The following SASH1 variants were observed in gnomAD, a reference collection of about 807,000 sequenced individuals.
The protein encoded by SASH1 is SAM and SH3 domain-containing protein 1.
In SASH1, 44 loss-of-function variants were observed where a neutral mutation model predicts 125.2. The ratio of observed to expected loss-of-function variants is 0.35; its 90% CI spans 0.28 to 0.45. The LOEUF is 0.45. Ranked by LOEUF, SASH1 falls within the 20% of genes least tolerant of loss-of-function variation. The pLI, the probability that SASH1 is intolerant of heterozygous loss-of-function variation, is 1.00. For synonymous variants in SASH1, 639 were observed against 649.1 expected, an observed-to-expected ratio of 0.98 and a Z score of 0.24; for missense variants, 1,426 against 1,614.5, an observed-to-expected ratio of 0.88 and a Z score of 2.00.
At chr6:148,205,632 C>T in the SASH1 span, among the ~76,000 whole-genome samples, 1 of 152,128 alleles carries the variant, frequency 6.6e-6, no homozygotes, top group South Asian at 2.1e-4. Context: ...TCCCTAGTCC[C>T]CAGAAGAACT....
chr6:148,194,885 G>C, the SASH1 span, among the ~76,000 whole-genome samples: 1 of 152,186 alleles, frequency 6.6e-6, no homozygotes, highest in African/African-American at 2.4e-5. Context: ...CAGCCTGGGC[G>C]ACAGAGCGAG....
intron 11 of SASH1, among the ~76,000 whole-genome samples, chr6:148,526,985 G>A (rs1384574365): frequency 6.6e-6 from 1 of 151,212 alleles, no homozygotes; most frequent in African/African-American, 2.4e-5. Context: ...CCATTCTCCT[G>A]CCTCAGCTTC....
intron 8 of SASH1, among the ~76,000 whole-genome samples, chr6:148,498,826 C>G (rs182690611): frequency 6.6e-6 from 1 of 152,274 alleles, no homozygotes. Flanking sequence ...TTCAATGTTA[C>G]TGATTGATTA....
chr6:148,452,382 G>T (rs372996508), intron 4 of SASH1, among the ~76,000 whole-genome samples: 117 of 152,266 alleles, frequency 7.7e-4, no homozygotes, highest in African/African-American at 2.8e-3. Context: ...TGTGAGTCAG[G>T]TGGTCTCCAG....
chr6:148,460,954 A>G (rs974174178), intron 4 of SASH1, among the ~76,000 whole-genome samples: 6 of 152,214 alleles, frequency 3.9e-5, no homozygotes, highest in Admixed American at 1.3e-4. Flanking sequence ...CCTCATGGCA[A>G]TACTTGGTGG....
rs79780914 is a variant in SASH1, at chr6:148,533,466, G to A, written c.1735-305G>A. Among the ~76,000 whole-genome samples the A allele has an allele frequency of 8.5e-3, 1,288 of 152,242 alleles. 18 individuals are homozygous for A. The highest frequency in any genetic ancestry group is 0.03 in the African/African-American group (1,233 of 41,542). ...GAGGAGGGAAGGCGTTCAGAGTGCC[G>A]GGCGGGCAGCCTGGCTGAGAGCACC... On this transcript the variant is annotated intron_variant, in intron 14 of 19. Transcript: ENST00000367467. The surrounding 1 kb of genome is among the most constrained non-coding windows in gnomAD (Gnocchi z 6.2).
intron 1 of SASH1, among the ~76,000 whole-genome samples, chr6:148,300,413 AAAC>A (rs36152413): frequency 0.27 from 40,729 of 149,870 alleles, 5,928 homozygotes; most frequent in South Asian, 0.35. Flanking sequence ...TCAAACAAAC[AAAC>A]AACAACTTTA....
At chr6:148,518,583 C>T (rs973479114) in intron 9 of SASH1, among the ~76,000 whole-genome samples, 3 of 152,166 alleles carry the variant, frequency 2.0e-5, no homozygotes, top group Admixed American at 2.0e-4. Flanking sequence ...TCCTTCTGTT[C>T]CAAGGAACTT....
intron 12 of SASH1, among the ~76,000 whole-genome samples, chr6:148,527,988 TGGGGGGGGGGGTGGCAGTAGA>T (rs1781288487): frequency 8.7e-6 from 1 of 115,160 alleles, no homozygotes. Flanking sequence ...TTTTTTTTTT[TGGGGGGGGGGGTGGCAGTAGA>T]CTTGTCGATC....
chr6:148,409,064 T>A (rs1324467172), intron 2 of SASH1, among the ~76,000 whole-genome samples: 1 of 152,232 alleles, frequency 6.6e-6, no homozygotes, highest in Non-Finnish European at 1.5e-5. Context: ...TTCCCCAAGC[T>A]AAGTGGCTCT....
chr6:148,210,780 G>A, the SASH1 span, among the ~76,000 whole-genome samples: 1 of 152,088 alleles, frequency 6.6e-6, no homozygotes, highest in South Asian at 2.1e-4. Context: ...GGGAATGTTA[G>A]GATTAATTGA....
chr6:148,526,837 G>C (rs558784605), intron 11 of SASH1, among the ~76,000 whole-genome samples: 2 of 150,634 alleles, frequency 1.3e-5, no homozygotes, highest in Middle Eastern at 3.6e-3. Flanking sequence ...CCATTGCTGG[G>C]ATTACATGAA....
Position 148,343,228 on chromosome 6 carries a change from G to A in SASH1, c.156+5G>A. 6.3e-7 allele frequency: 1 copy of A among 1,581,628 alleles called. No individual in the cohort carries two copies. Among genetic ancestry groups the A allele is most frequent in the Non-Finnish European group, 8.6e-7 (1 of 1,168,476 alleles). On this transcript the variant is annotated splice_donor_5th_base_variant and intron_variant, in intron 1 of 19. Coordinates refer to ENST00000367467, the MANE Select transcript of SASH1 (RefSeq NM_015278.5). ...ACCGACGTGATGGGTATCCTGGTAA[G>A]TTACCTGGGGAGGGGGCGGCGCAGG...
chr6:148,321,388 C>G (rs1021425670), intron 1 of SASH1, among the ~76,000 whole-genome samples: 1 of 42,128 alleles, frequency 2.4e-5, no homozygotes, highest in African/African-American at 8.4e-5. Flanking sequence ...GAAACTCTGT[C>G]TTAAAAAAAA....
intron 2 of SASH1, among the ~76,000 whole-genome samples, chr6:148,402,345 C>G (rs1198571974): frequency 6.6e-6 from 1 of 152,172 alleles, no homozygotes; most frequent in African/African-American, 2.4e-5. Context: ...GAGTCTTGCT[C>G]TGTCACCCAG....
chr6:148,392,246 A>C (rs1016449329), intron 2 of SASH1, among the ~76,000 whole-genome samples: 1 of 149,258 alleles, frequency 6.7e-6, no homozygotes, highest in Admixed American at 6.8e-5. Context: ...AGATCGCGCC[A>C]TTGCACTCCA....
intron 2 of SASH1, among the ~76,000 whole-genome samples, chr6:148,403,020 A>G (rs1289709006): frequency 6.6e-6 from 1 of 152,188 alleles, no homozygotes; most frequent in African/African-American, 2.4e-5. Flanking sequence ...GATATTCATT[A>G]TAAAGTTAGC....
chr6:148,289,442 T>A (rs763256303), intron 1 of SASH1, among the ~76,000 whole-genome samples: 3 of 152,228 alleles, frequency 2.0e-5, no homozygotes, highest in Non-Finnish European at 2.9e-5. Context: ...TATTTTCTTT[T>A]CCTGTTGACT....
chr6:148,448,443 A>G (rs1041984398), intron 4 of SASH1, among the ~76,000 whole-genome samples: 3 of 152,030 alleles, frequency 2.0e-5, no homozygotes, highest in Non-Finnish European at 2.9e-5. Flanking sequence ...CTTCATAGGA[A>G]CCTAACCAGA....
Sources: gnomAD v4.1 joint callset for allele counts (sites outside exome capture counted in the v4.1 genomes callset) on GRCh38, gnomAD v4.1.1 for gene constraint, Gnocchi (gnomAD v3.1) non-coding constraint, MANE v1.5 for transcripts, NCBI Gene and HGNC (gene_info 2026-07-23, HGNC 2026-07-21) for gene names.